ACOXL: variants seen among roughly 807,000 people sequenced by gnomAD.
ACOXL encodes acyl-coenzyme A oxidase-like protein.
ACOXL carries 70 observed loss-of-function variants against 71.9 expected under a neutral mutation model. That is an observed-to-expected ratio of 0.97 (90% CI 0.80 to 1.19). ACOXL has a LOEUF of 1.19. Among genes scored for constraint, ACOXL ranks in the 50% most tolerant of loss-of-function variants. The probability of loss-of-function intolerance (pLI) is 0.00; values close to 1 mark genes in which losing one functional copy is unlikely to be tolerated. For missense variants in ACOXL, 703 were observed against 736.3 expected (o/e 0.95, Z 0.52); for synonymous variants, 253 against 281.6 (o/e 0.90, Z 1.02).
chr2:110,811,727 GCATACACACACACACACACACA>G (rs1410774664), intron 9 of ACOXL, among the ~76,000 whole-genome samples: 5 of 29,296 alleles, frequency 1.7e-4, no homozygotes, highest in African/African-American at 2.9e-4. Context: ...TGTTTTTTTT[GCATACACACACACACACACACA>G]CACACACACA....
At chr2:110,816,212 AATG>A (rs1327614504) in intron 9 of ACOXL, among the ~76,000 whole-genome samples, 1 of 151,678 alleles carries the variant, frequency 6.6e-6, no homozygotes, top group Non-Finnish European at 1.5e-5. Flanking sequence ...TAGATGGATA[AATG>A]ATGGATGGAT....
rs1320434306 is a variant in ACOXL at position 110,835,381 on chromosome 2, C to T, written c.754-5990C>T. ...TTCCCTGTCTTGTTGTATTTTTCCT[C>T]TTTTGGTGGAATGACAGAAAGGAAC... On this transcript the variant is annotated intron_variant, in intron 9 of 17. Coordinates refer to ENST00000439055, the MANE Select transcript of ACOXL (RefSeq NM_001142807.4). 2.0e-5 allele frequency among the ~76,000 whole-genome samples: 3 copies of T among 152,116 alleles called. No homozygotes were observed. In the East Asian group the frequency reaches 5.8e-4, roughly 29 times the overall value.
At chr2:110,747,963 A>G (rs1233049270) in intron 1 of ACOXL, among the ~76,000 whole-genome samples, 1 of 151,610 alleles carries the variant, frequency 6.6e-6, no homozygotes, top group Non-Finnish European at 1.5e-5. Context: ...TATGGTTCTC[A>G]CTCTGTCTTC....
At chr2:110,872,027 T>C (rs997788906) in intron 10 of ACOXL, among the ~76,000 whole-genome samples, 13 of 152,232 alleles carry the variant, frequency 8.5e-5, no homozygotes, top group African/African-American at 2.9e-4. Context: ...AAACTTGGAA[T>C]GTTGTCATTA....
rs975239709 is a variant in ACOXL at position 110,772,619 on chromosome 2, C to T, written c.75+4155C>T. On this transcript the variant is annotated intron_variant, in intron 2 of 17. Coordinates refer to ENST00000439055, the MANE Select transcript of ACOXL (RefSeq NM_001142807.4). The stretch of plus-strand genomic sequence containing the variant: ...ACCCCTGACTCCTTCTTCCCCTCCC[C>T]CAACCAGCCTACAACCGTTCTCTCT... Among the ~76,000 whole-genome samples, 3 of 152,178 alleles carry T rather than the reference C, an allele frequency of 2.0e-5. No individual in the cohort carries two copies. In the East Asian group the frequency reaches 5.8e-4, roughly 29 times the overall value.
intron 10 of ACOXL, among the ~76,000 whole-genome samples, chr2:110,850,725 G>A (rs1692495320): frequency 6.6e-6 from 1 of 152,172 alleles, no homozygotes; most frequent in Non-Finnish European, 1.5e-5. Flanking sequence ...GGTGGAAGGC[G>A]AAATGGTACG....
At chr2:110,882,219 T>C (rs542742612) in intron 10 of ACOXL, among the ~76,000 whole-genome samples, 13 of 152,242 alleles carry the variant, frequency 8.5e-5, no homozygotes, top group Non-Finnish European at 1.5e-4. Context: ...CTGAGACAAA[T>C]GACACTGAAC....
chr2:110,805,406 C>T lies in ACOXL; in HGVS notation c.753+11C>T, dbSNP rs201481495. 13 of 1,614,174 alleles carry T rather than the reference C, an allele frequency of 8.1e-6. No homozygotes were observed. The Admixed American group carries it at 8.3e-5, about 10-fold the overall frequency. On this transcript the variant is annotated intron_variant, in intron 9 of 17. Transcript: ENST00000439055. ...ATGGGTGCCATGAAGGTAATTGACT[C>T]TGATTTTAACTTAATTATCTACTGT... is the stretch of plus-strand genomic sequence containing the variant.
At chr2:110,958,049 CAAAAAAAAA>C (rs35899146) in intron 12 of ACOXL, among the ~76,000 whole-genome samples, 1 of 96,144 alleles carries the variant, frequency 1.0e-5, no homozygotes, top group East Asian at 2.6e-4. Flanking sequence ...GACTCCGTCT[CAAAAAAAAA>C]AAAAAAAAAA....
intron 12 of ACOXL, among the ~76,000 whole-genome samples, chr2:110,955,963 G>A (rs986545563): frequency 2.2e-5 from 3 of 135,540 alleles, no homozygotes; most frequent in African/African-American, 8.3e-5. Flanking sequence ...TTTTGAGATG[G>A]AGTCTCGCTC....
At chr2:110,746,092 A>G (rs2104750577) in intron 1 of ACOXL, among the ~76,000 whole-genome samples, 1 of 152,060 alleles carries the variant, frequency 6.6e-6, no homozygotes, top group Non-Finnish European at 1.5e-5. Context: ...CTCTGTTCTC[A>G]CTCTACAAGT....
chr2:110,948,646 G>A (rs1452880663), intron 12 of ACOXL, among the ~76,000 whole-genome samples: 1 of 144,960 alleles, frequency 6.9e-6, no homozygotes, highest in African/African-American at 2.6e-5. Flanking sequence ...GAGGGATTGT[G>A]AATGTAGACA....
At chr2:110,943,321 AAAAG>A (rs202241757) in intron 12 of ACOXL, among the ~76,000 whole-genome samples, 48 of 151,914 alleles carry the variant, frequency 3.2e-4, no homozygotes, top group South Asian at 4.2e-4. Flanking sequence ...GAGAAAAAGA[AAAAG>A]AAGGAAAGGA....
chr2:110,920,890 T>A (rs961468134), intron 11 of ACOXL, among the ~76,000 whole-genome samples: 3 of 152,162 alleles, frequency 2.0e-5, no homozygotes, highest in African/African-American at 7.2e-5. Context: ...CAAACCCTAC[T>A]CATATTTTAC....
chr2:111,038,804 T>G (rs2065645633), intron 15 of ACOXL, among the ~76,000 whole-genome samples: 1 of 152,214 alleles, frequency 6.6e-6, no homozygotes, highest in African/African-American at 2.4e-5. Context: ...TAAATTTAGG[T>G]TTTAAAGGAC....
intron 9 of ACOXL, among the ~76,000 whole-genome samples, chr2:110,836,865 T>A (rs1678085796): frequency 6.6e-6 from 1 of 152,216 alleles, no homozygotes; most frequent in African/African-American, 2.4e-5. Context: ...GACCCGGGTA[T>A]AAGCTTGGCA....
At chr2:111,057,922 GC>G (rs1426062104) in intron 16 of ACOXL, among the ~76,000 whole-genome samples, 3 of 152,208 alleles carry the variant, frequency 2.0e-5, no homozygotes, top group Non-Finnish European at 2.9e-5. Flanking sequence ...GCAGCGAGCC[GC>G]CCAGGCGTGG....
chr2:110,763,431 GAGAAA>G (rs1333719723), intron 1 of ACOXL, among the ~76,000 whole-genome samples: 1 of 152,168 alleles, frequency 6.6e-6, no homozygotes, highest in Non-Finnish European at 1.5e-5. Context: ...CAATAAAATG[GAGAAA>G]AGATAGCTTT....
intron 17 of ACOXL, among the ~76,000 whole-genome samples, chr2:111,107,289 T>A (rs1345104110): frequency 6.6e-6 from 1 of 152,228 alleles, no homozygotes; most frequent in Non-Finnish European, 1.5e-5. Context: ...CACCACTGTG[T>A]CATTCCTTGA....
Sources: gnomAD v4.1 joint callset for allele counts (sites outside exome capture counted in the v4.1 genomes callset) on GRCh38, gnomAD v4.1.1 for gene constraint, MANE v1.5 for transcripts, NCBI Gene and HGNC (gene_info 2026-07-23, HGNC 2026-07-21) for gene names.